The following CSMD1 variants were observed in gnomAD, a reference collection of about 807,000 sequenced individuals.
CSMD1 encodes CUB and Sushi multiple domains 1, also known as CUB and sushi domain-containing protein 1.
A neutral mutation model predicts 417.5 loss-of-function variants in CSMD1; 213 were observed. That is an observed-to-expected ratio of 0.51 (90% CI 0.46 to 0.57). The LOEUF (loss-of-function observed/expected upper bound fraction) is 0.57. Ranked by LOEUF, CSMD1 falls within the 20% of genes least tolerant of loss-of-function variation. The pLI, the probability that CSMD1 is intolerant of heterozygous loss-of-function variation, is 0.00. For missense variants in CSMD1, 6,923 were observed against 4,529.7 expected, an observed-to-expected ratio of 1.53 and a Z score of -15.17; for synonymous variants, 2,862 against 1,736.8, an observed-to-expected ratio of 1.65 and a Z score of -16.11.
chr8:4,140,772 G>C (rs566043716), intron 3 of CSMD1, among the ~76,000 whole-genome samples: 1 of 151,018 alleles, frequency 6.6e-6, no homozygotes, highest in East Asian at 1.9e-4. Flanking sequence ...CTCCAGCTTT[G>C]CTCTCCCCTA....
chr8:3,339,491 T>C (rs1442396), intron 23 of CSMD1, among the ~76,000 whole-genome samples: 28,354 of 152,036 alleles, frequency 0.19, 2,740 homozygotes, highest in Middle Eastern at 0.26. Flanking sequence ...GTACCCAAAA[T>C]AGATTTATCT....
intron 41 of CSMD1, among the ~76,000 whole-genome samples, chr8:3,131,661 G>A (rs1191008553): frequency 6.6e-5 from 10 of 151,944 alleles, no homozygotes; most frequent in Non-Finnish European, 1.0e-4. Flanking sequence ...AAGTAGAGAC[G>A]GGGTTTTGCC....
chr8:3,406,325 T>G, intron 14 of CSMD1, 104 bp from the exon 15 acceptor site: 1 of 825,072 alleles, frequency 1.2e-6, no homozygotes, highest in Non-Finnish European at 1.8e-6. Flanking sequence ...ATTCATATAA[T>G]GTATATAATT....
intron 41 of CSMD1, among the ~76,000 whole-genome samples, chr8:3,138,191 A>C (rs1159076560): frequency 6.6e-6 from 1 of 152,186 alleles, no homozygotes. Flanking sequence ...GTGCCACTGC[A>C]CTCCAGCCTG....
rs538475983 is a variant in CSMD1 at position 4,391,707 on chromosome 8, C to T, written c.415+28246G>A. 1.1e-4 allele frequency among the ~76,000 whole-genome samples: 17 copies of T among 152,258 alleles called. No individual in the cohort carries two copies. In the South Asian group the frequency reaches 3.3e-3, roughly 30 times the overall value. ...AGCTCTTCGCCACCACCAGCTTCCC[C>T]ATGTGAAAAACCTCCAAGTGCAATG... is the stretch of plus-strand genomic sequence containing the variant. On this transcript the variant is annotated intron_variant, in intron 3 of 69. Transcript: ENST00000635120.
intron 2 of CSMD1, among the ~76,000 whole-genome samples, chr8:4,530,262 C>G (rs1180083436): frequency 7.3e-6 from 1 of 137,106 alleles, no homozygotes; most frequent in Non-Finnish European, 1.6e-5. Flanking sequence ...GTGTCTTCAT[C>G]ATCCGGATTT....
At chr8:3,965,350 A>T (rs1444250143) in intron 5 of CSMD1, among the ~76,000 whole-genome samples, 3 of 152,168 alleles carry the variant, frequency 2.0e-5, no homozygotes, top group South Asian at 4.1e-4. Flanking sequence ...TAAATAAGAC[A>T]ATGTTTTGAA....
chr8:4,473,940 T>A (rs1585135623), intron 2 of CSMD1, among the ~76,000 whole-genome samples: 1 of 152,130 alleles, frequency 6.6e-6, no homozygotes, highest in South Asian at 2.1e-4. Context: ...TTAAAGCAAA[T>A]GGTTTTCTAC....
intron 11 of CSMD1, among the ~76,000 whole-genome samples, chr8:3,485,094 C>T (rs1208165864): frequency 2.6e-5 from 4 of 152,172 alleles, no homozygotes; most frequent in African/African-American, 9.7e-5. Context: ...CTCATGTTTA[C>T]ATAACAACCT....
chr8:4,522,500 T>C (rs1803517455), intron 2 of CSMD1, among the ~76,000 whole-genome samples: 1 of 152,216 alleles, frequency 6.6e-6, no homozygotes, highest in Admixed American at 6.5e-5. Flanking sequence ...ATGGATTAAT[T>C]AAGAATATCT....
intron 27 of CSMD1, among the ~76,000 whole-genome samples, chr8:3,225,753 GA>G (rs1798466943): frequency 6.6e-6 from 1 of 152,198 alleles, no homozygotes; most frequent in Non-Finnish European, 1.5e-5. Context: ...TTTAAAAGCT[GA>G]AAAAGTGGAA....
chr8:3,406,959 C>G (rs907776793), intron 14 of CSMD1, among the ~76,000 whole-genome samples: 1 of 152,100 alleles, frequency 6.6e-6, no homozygotes, highest in African/African-American at 2.4e-5. Flanking sequence ...TACTACACTA[C>G]TTTGTTGCAA....
At chr8:3,462,780 C>G (rs1816588185) in intron 12 of CSMD1, among the ~76,000 whole-genome samples, 1 of 151,256 alleles carries the variant, frequency 6.6e-6, no homozygotes, top group South Asian at 2.1e-4. Context: ...TCCCTTGTGC[C>G]AAAAAGGCTG....
At chr8:4,956,014 C>T (rs1809085213) in intron 1 of CSMD1, among the ~76,000 whole-genome samples, 2 of 152,222 alleles carry the variant, frequency 1.3e-5, no homozygotes, top group Admixed American at 6.5e-5. Flanking sequence ...CAACTACTCT[C>T]AGACTGCTCC....
rs530433346 is a variant in CSMD1 at position 3,695,702 on chromosome 8, T to G, written c.1009+12712A>C. Reference sequence around the variant, plus strand: ...GATTCTAGCAAATTGTATTTAAAAGTTACTAAAACAGCAGTTTGGCTGGAA... The same window carrying G: ...GATTCTAGCAAATTGTATTTAAAAGGTACTAAAACAGCAGTTTGGCTGGAA... On this transcript the variant is annotated intron_variant, in intron 7 of 69. Coordinates refer to ENST00000635120, the MANE Select transcript of CSMD1 (RefSeq NM_033225.6). Among the ~76,000 whole-genome samples the G allele has an allele frequency of 6.6e-5, 10 of 152,246 alleles. No homozygotes were observed. In the South Asian group the frequency reaches 2.1e-3, roughly 32 times the overall value.
At chr8:4,487,607 A>G (rs1801483695) in intron 2 of CSMD1, among the ~76,000 whole-genome samples, 1 of 152,176 alleles carries the variant, frequency 6.6e-6, no homozygotes, top group African/African-American at 2.4e-5. Context: ...GCTATTGTGA[A>G]GTTTCAAAAT....
chr8:3,461,435 G>A (rs1420649587), intron 12 of CSMD1, among the ~76,000 whole-genome samples: 4 of 152,182 alleles, frequency 2.6e-5, no homozygotes, highest in Admixed American at 2.0e-4. Flanking sequence ...CCCAGAGGCT[G>A]GAATACATGG....
chr8:2,951,690 TG>T (rs978563544), intron 65 of CSMD1, among the ~76,000 whole-genome samples: 1 of 152,164 alleles, frequency 6.6e-6, no homozygotes, highest in African/African-American at 2.4e-5. Flanking sequence ...TTGAAAGACT[TG>T]GAAGGCTCCA....
chr8:3,094,046 C>G (rs769342339), intron 47 of CSMD1, among the ~76,000 whole-genome samples: 1 of 151,730 alleles, frequency 6.6e-6, no homozygotes, highest in Non-Finnish European at 1.5e-5. Flanking sequence ...TTTGAAATGT[C>G]ATTTTTAATG....
Sources: gnomAD v4.1 joint callset for allele counts (sites outside exome capture counted in the v4.1 genomes callset) on GRCh38, gnomAD v4.1.1 for gene constraint, MANE v1.5 for transcripts, NCBI Gene and HGNC (gene_info 2026-07-23, HGNC 2026-07-21) for gene names.